Variants in GRM1 observed in about 807,000 individuals in gnomAD.
GRM1 encodes glutamate metabotropic receptor 1.
Under a neutral mutation model 90.9 loss-of-function variants are expected in GRM1, and 33 were observed. The ratio of observed to expected loss-of-function variants is 0.36; its 90% CI spans 0.28 to 0.49. The LOEUF is 0.49. Ranked by LOEUF, GRM1 falls within the 20% of genes least tolerant of loss-of-function variation. The pLI is 0.99. For missense variants in GRM1, 1,190 were observed against 1,534.3 expected (o/e 0.78, Z 3.75); for synonymous variants, 700 against 613.2 (o/e 1.14, Z -2.09).
intron 5 of GRM1, among the ~76,000 whole-genome samples, chr6:146,361,491 G>A (rs1368234199): frequency 6.6e-6 from 1 of 152,154 alleles, no homozygotes; most frequent in Non-Finnish European, 1.5e-5. Context: ...GGACAGGAAA[G>A]GGGTAGAAAG....
intron 1 of GRM1, among the ~76,000 whole-genome samples, chr6:146,105,539 CCTAGAAA>C (rs1777198095): frequency 1.3e-5 from 2 of 150,712 alleles, no homozygotes; most frequent in South Asian, 4.3e-4. Flanking sequence ...ATAAATGATT[CCTAGAAA>C]CTTGGAGTTG....
intron 3 of GRM1, among the ~76,000 whole-genome samples, chr6:146,318,409 G>A (rs1040539895): frequency 2.0e-5 from 3 of 152,116 alleles, no homozygotes; most frequent in South Asian, 2.1e-4. Context: ...ATCATTGATG[G>A]GCATTTGGGT....
chr6:146,143,157 C>T (rs1435567854), intron 1 of GRM1, among the ~76,000 whole-genome samples: 1 of 152,130 alleles, frequency 6.6e-6, no homozygotes, highest in Non-Finnish European at 1.5e-5. Context: ...AATGGGTTCT[C>T]CAAGGGCTTT....
At chr6:146,033,695 G>T (rs1013319903) in intron 1 of GRM1, among the ~76,000 whole-genome samples, 2 of 151,812 alleles carry the variant, frequency 1.3e-5, no homozygotes, top group Non-Finnish European at 2.9e-5. Flanking sequence ...ATCTTGGTGT[G>T]ACATTTTTTT....
intron 3 of GRM1, among the ~76,000 whole-genome samples, chr6:146,305,744 G>A (rs749288688): frequency 4.6e-5 from 7 of 152,130 alleles, no homozygotes; most frequent in Non-Finnish European, 5.9e-5. Context: ...TGTAGGCTAC[G>A]CAGATATTAT....
chr6:146,418,446 T>C (rs930605667), intron 7 of GRM1, among the ~76,000 whole-genome samples: 20 of 151,810 alleles, frequency 1.3e-4, no homozygotes, highest in Non-Finnish European at 2.8e-4. Flanking sequence ...AGGAAGCTAA[T>C]ATTAATTACT....
chr6:146,209,194 C>T (rs1446326656), intron 2 of GRM1, among the ~76,000 whole-genome samples: 1 of 152,100 alleles, frequency 6.6e-6, no homozygotes, highest in Non-Finnish European at 1.5e-5. Flanking sequence ...ATCCTATGCT[C>T]TTTCCTGTGA....
intron 1 of GRM1, among the ~76,000 whole-genome samples, chr6:146,043,811 A>AGATATATATATATAT (rs1554260501): frequency 1.4e-5 from 2 of 145,588 alleles, no homozygotes; most frequent in Non-Finnish European, 3.0e-5. Context: ...ATATATATAT[A>AGATATATATATATAT]AAGGGAAGTG....
chr6:146,405,013 G>A (rs1391973151), intron 7 of GRM1, among the ~76,000 whole-genome samples: 1 of 152,134 alleles, frequency 6.6e-6, no homozygotes, highest in African/African-American at 2.4e-5. Context: ...TATGCGAGCT[G>A]AAAGAAATAA....
At position 146,425,196 on chromosome 6, in the gene GRM1, TTC is replaced by T. The variant is rs1778153196; in HGVS notation, c.2661-8672_2661-8671del. Among the ~76,000 whole-genome samples, 3 of 152,364 alleles carry T rather than the reference TTC, an allele frequency of 2.0e-5. No homozygotes were observed. The South Asian group carries it at 6.2e-4, about 32-fold the overall frequency. ...TGTACATATGGATTAACTTTGTTTTTTCTCTGTTACATTCAATGTGCTATGGA... is the reference window on the plus strand; with the variant it reads ...TGTACATATGGATTAACTTTGTTTTTTCTGTTACATTCAATGTGCTATGGA... On this transcript the variant is annotated intron_variant, in intron 7 of 7. Transcript: ENST00000282753.
chr6:146,157,891 A>G (rs1777576392), intron 1 of GRM1, among the ~76,000 whole-genome samples: 1 of 152,194 alleles, frequency 6.6e-6, no homozygotes, highest in African/African-American at 2.4e-5. Context: ...TGAAATGACA[A>G]CCAAGCCAAA....
At chr6:146,349,044 C>CTATCATTAT (rs1554299556) in intron 3 of GRM1, among the ~76,000 whole-genome samples, 1 of 141,538 alleles carries the variant, frequency 7.1e-6, no homozygotes, top group African/African-American at 2.6e-5. Context: ...GAAGTGGTAG[C>CTATCATTAT]TATTATTATT....
rs757087321 is a variant in GRM1 at position 146,029,607 on chromosome 6, A to G, written c.90A>G (p.Ala30=). ...GCCCCGGCAGGAAAGTGTTGCTGGC[A>G]GGAGCGTCGTCTCAGCGCTCGGTGG... The part of the protein sequence containing the change: ...PRSPGRKVLL[A]GASSQRSVAR... The change falls in exon 1 of 8, where the codon GCA becomes GCG. Residue 30 remains alanine, a synonymous_variant. Transcript: ENST00000282753. 6.2e-7 allele frequency: 1 copy of G among 1,613,976 alleles called. No homozygotes were observed. Among genetic ancestry groups the G allele is most frequent in the Non-Finnish European group, 8.5e-7 (1 of 1,179,934 alleles).
Position 146,399,209 on chromosome 6 carries a change from C to T in GRM1, c.2170C>T (p.Leu724=). The T allele has an allele frequency of 1.2e-6, 2 of 1,614,046 alleles. No homozygotes were observed. The highest frequency in any genetic ancestry group is 1.1e-5 in the South Asian group (1 of 91,072). The change falls in exon 7 of 8, where the codon CTG becomes TTG. Residue 724 remains leucine (L), a synonymous_variant. Coordinates refer to ENST00000282753, the MANE Select transcript of GRM1 (RefSeq NM_001278064.2). This position sits in a 1 kb window ranked among gnomAD's most constrained non-coding sequence, Gnocchi z 5.4. Reference sequence around the variant, plus strand: ...TGTGCAACTAACCCTGGTGGTAACCCTGATCATCATGGAACCCCCTATGCC... The same window carrying T: ...TGTGCAACTAACCCTGGTGGTAACCTTGATCATCATGGAACCCCCTATGCC... The part of the protein sequence containing the change: ...ISVQLTLVVT[L]IIMEPPMPIL...
intron 1 of GRM1, among the ~76,000 whole-genome samples, chr6:146,057,830 AAAG>A (rs1400184618): frequency 2.6e-5 from 4 of 152,238 alleles, no homozygotes; most frequent in African/African-American, 9.6e-5. Context: ...GAAGAACTCT[AAAG>A]AAGATTACTT....
chr6:146,055,125 T>A (rs938637970), intron 1 of GRM1, among the ~76,000 whole-genome samples: 5 of 152,124 alleles, frequency 3.3e-5, no homozygotes, highest in African/African-American at 7.2e-5. Context: ...GCTATTTTTT[T>A]AAAACATGTT....
intron 1 of GRM1, among the ~76,000 whole-genome samples, chr6:146,147,095 T>G (rs1365970615): frequency 6.6e-6 from 1 of 152,242 alleles, no homozygotes; most frequent in Non-Finnish European, 1.5e-5. Context: ...TGCCTGGAAC[T>G]GGGTCACTTT....
intron 2 of GRM1, among the ~76,000 whole-genome samples, chr6:146,229,409 T>C (rs1583194643): frequency 1.3e-5 from 2 of 149,690 alleles, no homozygotes; most frequent in Admixed American, 6.8e-5. Context: ...TTGTGCCTCT[T>C]GGAGCCATAG....
chr6:146,053,439 T>A (rs1273122966), intron 1 of GRM1, among the ~76,000 whole-genome samples: 2 of 152,124 alleles, frequency 1.3e-5, no homozygotes, highest in Admixed American at 1.3e-4. Context: ...GTAGGTGGGA[T>A]GATTATAATG....
Sources: allele counts gnomAD v4.1 joint callset (sites outside exome capture counted in the v4.1 genomes callset), GRCh38; gene constraint gnomAD v4.1.1; non-coding constraint Gnocchi (gnomAD v3.1); transcripts MANE v1.5; gene names NCBI Gene and HGNC (gene_info 2026-07-23, HGNC 2026-07-21).